Variants in SNX14 observed in about 807,000 individuals in gnomAD.
SNX14 encodes sorting nexin 14.
Under a neutral mutation model 133.8 loss-of-function variants are expected in SNX14, and 93 were observed. That is an observed-to-expected ratio of 0.70 (90% CI 0.59 to 0.83). The LOEUF (loss-of-function observed/expected upper bound fraction) is 0.83, where lower values mean the gene tolerates loss of function less well. Ranked by LOEUF, SNX14 falls within the 40% of genes least tolerant of loss-of-function variation. The probability of loss-of-function intolerance (pLI) is 0.00; values close to 1 mark genes in which losing one functional copy is unlikely to be tolerated. For synonymous variants in SNX14, 368 were observed against 365.6 expected (o/e 1.01, Z -0.07); for missense variants, 945 against 1,094.9 (o/e 0.86, Z 1.93).
At chr6:85,574,141 T>C (rs1490140577) in intron 2 of SNX14, 117 bp downstream of exon 2, 2 of 779,184 alleles carry the variant, frequency 2.6e-6, no homozygotes, top group East Asian at 3.3e-5. Context: ...AGAGAAGAAA[T>C]TGAAAGAAAA....
intron 26 of SNX14, among the ~76,000 whole-genome samples, chr6:85,509,360 G>T: frequency 6.6e-6 from 1 of 152,112 alleles, no homozygotes; most frequent in East Asian, 1.9e-4. Context: ...TTCATCATTT[G>T]CCTACAGAAA....
intron 23 of SNX14, among the ~76,000 whole-genome samples, chr6:85,516,741 G>A (rs374248175): frequency 1.3e-5 from 2 of 149,336 alleles, no homozygotes; most frequent in African/African-American, 4.9e-5. Flanking sequence ...AGGTTCAAGC[G>A]ACTCTCCTGC....
chr6:85,520,244 T>C (rs1336579405), intron 21 of SNX14, among the ~76,000 whole-genome samples: 1 of 151,724 alleles, frequency 6.6e-6, no homozygotes, highest in African/African-American at 2.4e-5. Context: ...GGATTCACCA[T>C]GTTGGCCAGG....
rs1273960472 is a variant in SNX14, at chr6:85,505,866, G to A, written c.*101C>T. On this transcript the variant is annotated 3_prime_UTR_variant, in exon 29 of 29. Coordinates refer to ENST00000314673, the MANE Select transcript of SNX14 (RefSeq NM_153816.6). Reference sequence around the variant, plus strand: ...AAAAATAACTAAAATTTCAGACAGCGATGTACATAATATATATAAGAATAT... The same window carrying A: ...AAAAATAACTAAAATTTCAGACAGCAATGTACATAATATATATAAGAATAT... 14 of 747,036 alleles carry A rather than the reference G, an allele frequency of 1.9e-5. No individual in the cohort carries two copies. The highest frequency in any genetic ancestry group is 2.6e-5 in the East Asian group (1 of 38,380). The allele number at this position is 747,036 out of a possible 1,614,324, so 46.3% of individuals were successfully genotyped here.
At chr6:85,544,006 A>C (rs1784704880) in intron 12 of SNX14, among the ~76,000 whole-genome samples, 1 of 152,154 alleles carries the variant, frequency 6.6e-6, no homozygotes, top group African/African-American at 2.4e-5. Flanking sequence ...ATTTTGCTAA[A>C]ATTCAAAACA....
intron 1 of SNX14, among the ~76,000 whole-genome samples, chr6:85,578,463 C>A (rs1798003991): frequency 6.6e-6 from 1 of 151,996 alleles, no homozygotes; most frequent in African/African-American, 2.4e-5. Flanking sequence ...TGGGGAACTG[C>A]TGGACATTAC....
chr6:85,542,148 A>C, intron 14 of SNX14, 105 bp from the exon 15 acceptor site: 1 of 712,354 alleles, frequency 1.4e-6, no homozygotes, highest in Non-Finnish European at 2.2e-6. Flanking sequence ...AAAAAAAGCT[A>C]TCTCAATCAA....
intron 21 of SNX14, 109 bp downstream of exon 21, chr6:85,526,017 G>A: frequency 1.7e-6 from 1 of 590,794 alleles, no homozygotes; most frequent in Non-Finnish European, 2.8e-6. Flanking sequence ...GCAGAAATAA[G>A]GGCCCTCGGA....
intron 18 of SNX14, among the ~76,000 whole-genome samples, chr6:85,530,583 T>C (rs1395074870): frequency 1.3e-5 from 2 of 149,384 alleles, no homozygotes; most frequent in African/African-American, 2.5e-5. Context: ...AGGCAGAGGT[T>C]GCAGCGAGCC....
chr6:85,546,586 G>T (rs957993522), intron 12 of SNX14, among the ~76,000 whole-genome samples: 2 of 151,778 alleles, frequency 1.3e-5, no homozygotes, highest in African/African-American at 4.8e-5. Flanking sequence ...CTGCTACTAG[G>T]ATTTGAATGA....
At position 85,556,472 on chromosome 6, in the gene SNX14, C is replaced by CTTT. The variant is rs371881772; in HGVS notation, c.634+1501_634+1503dup. Among the ~76,000 whole-genome samples, 7 of 136,930 alleles carry CTTT rather than the reference C, an allele frequency of 5.1e-5. No individual in the cohort carries two copies. The East Asian group carries it at 6.3e-4, about 12-fold the overall frequency. The allele number at this position is 136,930 out of a possible 152,430, so 89.8% of individuals were successfully genotyped here. ...CGTACTCAAACTCTTTCACATTCAT[C>CTTT]TTTTTTTTTTTTTTTTGAGATGGAG... On this transcript the variant is annotated intron_variant, in intron 7 of 28. Transcript: ENST00000314673.
intron 1 of SNX14, among the ~76,000 whole-genome samples, chr6:85,576,995 G>A (rs1031992076): frequency 1.3e-5 from 2 of 152,212 alleles, no homozygotes; most frequent in African/African-American, 4.8e-5. Flanking sequence ...TTAGAAAACT[G>A]TTGCAGTAAT....
chr6:85,573,651 C>T (rs140139894), intron 2 of SNX14, among the ~76,000 whole-genome samples: 1 of 152,162 alleles, frequency 6.6e-6, no homozygotes, highest in Admixed American at 6.5e-5. Flanking sequence ...ATGAAGCACA[C>T]AAACATTTAA....
chr6:85,572,090 A>C, intron 4 of SNX14, 47 bp downstream of exon 4: 5 of 1,507,940 alleles, frequency 3.3e-6, no homozygotes, highest in Non-Finnish European at 4.5e-6. Context: ...AAATTTTTCC[A>C]CAGGCATTTA....
rs1473407975 is a variant in SNX14 at position 85,526,213 on chromosome 6, T to A, written c.2020A>T (p.Ser674Cys). 33 of 1,606,752 alleles carry A rather than the reference T, an allele frequency of 2.1e-5. No individual in the cohort carries two copies. The highest frequency in any genetic ancestry group is 2.7e-5 in the Non-Finnish European group (32 of 1,176,552). The change falls in exon 21 of 29, where the codon AGT (serine) becomes TGT (cysteine). Residue 674 changes from serine (S) to cysteine (C), a missense_variant. Physicochemically the swap from Ser to Cys is moderately radical, Grantham distance 112 (BLOSUM62 -1). Around this residue, in one of 3 missense-constraint regions of SNX14, gnomAD observed 412 missense variants for 516.6 expected, o/e 0.80. Coordinates refer to ENST00000314673, the MANE Select transcript of SNX14 (RefSeq NM_153816.6). ...AAGTCTGCCAGAAGTTGACTATTAC[T>A]CAGTTCTGGATGCTGCAGAAGTTTC... Reference protein sequence around the residue: ...LQKLLQHPELSNSQLLADFLS... With the variant: ...LQKLLQHPELCNSQLLADFLS...
At chr6:85,570,714 G>T (rs540579013) in intron 4 of SNX14, among the ~76,000 whole-genome samples, 1 of 151,990 alleles carries the variant, frequency 6.6e-6, no homozygotes, top group Admixed American at 6.6e-5. Context: ...TTAGCTGGGC[G>T]TGGTGGTGTG....
At chr6:85,528,969 T>A (rs985912999) in intron 19 of SNX14, among the ~76,000 whole-genome samples, 2 of 150,974 alleles carry the variant, frequency 1.3e-5, no homozygotes, top group Non-Finnish European at 2.9e-5. Context: ...GGAGAATCGC[T>A]GGAACCTGAG....
intron 12 of SNX14, among the ~76,000 whole-genome samples, chr6:85,545,261 G>C (rs1323002961): frequency 6.6e-6 from 1 of 151,966 alleles, no homozygotes; most frequent in Non-Finnish European, 1.5e-5. Context: ...AGAATATACA[G>C]GACAAATATA....
At chr6:85,560,450 T>C (rs1343194496) in intron 6 of SNX14, among the ~76,000 whole-genome samples, 1 of 152,210 alleles carries the variant, frequency 6.6e-6, no homozygotes, top group Non-Finnish European at 1.5e-5. Context: ...TCCATAGATA[T>C]ACAAAGTAGA....
Sources: gnomAD v4.1 joint callset for allele counts (sites outside exome capture counted in the v4.1 genomes callset) on GRCh38, gnomAD v4.1.1 for gene constraint, gnomAD v4.1.1 regional missense constraint, MANE v1.5 for transcripts, NCBI Gene and HGNC (gene_info 2026-07-23, HGNC 2026-07-21) for gene names.